KCNJ6: variants seen among roughly 807,000 people sequenced by gnomAD.
KCNJ6 encodes G protein-activated inward rectifier potassium channel 2.
KCNJ6 carries 9 observed loss-of-function variants against 34.2 expected under a neutral mutation model. The observed-to-expected ratio is 0.26, with a 90% CI of 0.16 to 0.46. KCNJ6 has a LOEUF of 0.46. Among genes scored for constraint, KCNJ6 ranks in the 20% least tolerant of loss-of-function variants. The pLI, the probability that KCNJ6 is intolerant of heterozygous loss-of-function variation, is 1.00. For synonymous variants in KCNJ6, 196 were observed against 207.1 expected, an observed-to-expected ratio of 0.95 and a Z score of 0.46; for missense variants, 236 against 531.3, an observed-to-expected ratio of 0.44 and a Z score of 5.46.
intron 2 of KCNJ6, among the ~76,000 whole-genome samples, chr21:37,770,215 T>C (rs1024054902): frequency 1.3e-5 from 2 of 152,148 alleles, no homozygotes; most frequent in Non-Finnish European, 2.9e-5. Flanking sequence ...AGGGCCTCTC[T>C]TGGGACAGCT....
chr21:37,842,947 C>T (rs2055488209), intron 1 of KCNJ6, among the ~76,000 whole-genome samples: 1 of 152,150 alleles, frequency 6.6e-6, no homozygotes, highest in Non-Finnish European at 1.5e-5. Context: ...ACTAGCTCTC[C>T]TTGTGTCCTG....
chr21:37,607,592 G>A lies in KCNJ6; in HGVS notation c.*17567C>T, dbSNP rs2054228860. 1 of 151,464 alleles carries A rather than the reference G, an allele frequency of 6.6e-6. No individual in the cohort carries two copies. Among genetic ancestry groups the A allele is most frequent in the African/African-American group, 2.4e-5 (1 of 41,178 alleles). The allele number at this position is 151,464 out of a possible 1,614,324, so 9.4% of individuals were successfully genotyped here. On this transcript the variant is annotated 3_prime_UTR_variant, in exon 4 of 4. Transcript: ENST00000609713. The stretch of plus-strand genomic sequence containing the variant: ...TCATTGTCCGTGCACAGACATACTT[G>A]GAGTTGAGTAAAGGGAGTTACAAAA...
At chr21:37,704,124 A>G (rs1335882786) in intron 3 of KCNJ6, among the ~76,000 whole-genome samples, 2 of 152,226 alleles carry the variant, frequency 1.3e-5, no homozygotes, top group Admixed American at 1.3e-4. Context: ...GGCCATGCTG[A>G]ACATGCTGAG....
rs1431248686 is a variant in KCNJ6 at position 37,840,723 on chromosome 21, GA to G, written c.-27-15del. ...TTTGTGCTTTTCCTGGAGGTGAGAA[GA>G]AAAGACAATTATCTGTAAAACATGT... On this transcript the variant is annotated splice_polypyrimidine_tract_variant and intron_variant, in intron 1 of 3. Transcript: ENST00000609713. 6.9e-7 allele frequency: 1 copy of G among 1,453,542 alleles called. No individual in the cohort carries two copies. Among genetic ancestry groups the G allele is most frequent in the South Asian group, 1.2e-5 (1 of 85,002 alleles). The allele number at this position is 1,453,542 out of a possible 1,614,324, so 90.0% of individuals were successfully genotyped here.
chr21:37,743,518 A>T (rs2054951320), intron 2 of KCNJ6, among the ~76,000 whole-genome samples: 1 of 152,186 alleles, frequency 6.6e-6, no homozygotes, highest in African/African-American at 2.4e-5. Flanking sequence ...CTCCCCCCTC[A>T]CGGATGGATT....
intron 2 of KCNJ6, among the ~76,000 whole-genome samples, chr21:37,718,572 C>T (rs746798980): frequency 5.1e-4 from 75 of 148,018 alleles, no homozygotes; most frequent in Non-Finnish European, 9.4e-4. Flanking sequence ...TAAAAACCAA[C>T]AAAAAGTAAA....
chr21:37,858,020 T>C (rs1332887792), intron 1 of KCNJ6, among the ~76,000 whole-genome samples: 2 of 152,266 alleles, frequency 1.3e-5, no homozygotes, highest in East Asian at 3.9e-4. Context: ...CAGAAAAAGA[T>C]GATTCAACAT....
chr21:37,913,530 T>C (rs76150911), intron 1 of KCNJ6, among the ~76,000 whole-genome samples: 4,692 of 152,248 alleles, frequency 0.031, 277 homozygotes, highest in East Asian at 0.25. Flanking sequence ...TTAGAAAGAA[T>C]TTGGCTGGGC....
chr21:37,838,453 T>C (rs1033808729), intron 2 of KCNJ6, among the ~76,000 whole-genome samples: 1 of 152,236 alleles, frequency 6.6e-6, no homozygotes, highest in Non-Finnish European at 1.5e-5. Flanking sequence ...TCATAACTTA[T>C]GTGCAACACC....
intron 1 of KCNJ6, among the ~76,000 whole-genome samples, chr21:37,862,539 C>T (rs1045631461): frequency 2.6e-5 from 4 of 152,176 alleles, no homozygotes; most frequent in Non-Finnish European, 5.9e-5. Flanking sequence ...CACGAAAAAG[C>T]CTAGACACAG....
At chr21:37,772,430 A>G (rs2123504600) in intron 2 of KCNJ6, among the ~76,000 whole-genome samples, 1 of 152,278 alleles carries the variant, frequency 6.6e-6, no homozygotes, top group Middle Eastern at 3.4e-3. Context: ...GCAGATGGAA[A>G]TTACCTGTTT....
chr21:37,706,062 G>A (rs1203595338), intron 3 of KCNJ6, among the ~76,000 whole-genome samples: 4 of 92 alleles, frequency 0.043, no homozygotes, highest in African/African-American at 0.21. Context: ...GTGCTTCCAC[G>A]AGAGCCTTAA....
At chr21:37,884,954 A>G (rs980739056) in intron 1 of KCNJ6, among the ~76,000 whole-genome samples, 3 of 152,180 alleles carry the variant, frequency 2.0e-5, no homozygotes, top group Non-Finnish European at 4.4e-5. Flanking sequence ...TTTGCCTTCA[A>G]TGCTGGTCTA....
At chr21:37,699,582 A>G (rs2054680206) in intron 3 of KCNJ6, among the ~76,000 whole-genome samples, 1 of 152,196 alleles carries the variant, frequency 6.6e-6, no homozygotes, top group African/African-American at 2.4e-5. Context: ...GTCCCTGAGC[A>G]TGTAATTAGG....
chr21:37,804,541 C>A (rs978374530), intron 2 of KCNJ6, among the ~76,000 whole-genome samples: 1 of 152,014 alleles, frequency 6.6e-6, no homozygotes, highest in African/African-American at 2.4e-5. Context: ...GCCTAGTACC[C>A]ATTAGTTATT....
At chr21:37,721,396 C>T (rs1180425533) in intron 2 of KCNJ6, among the ~76,000 whole-genome samples, 2 of 152,168 alleles carry the variant, frequency 1.3e-5, no homozygotes, top group African/African-American at 4.8e-5. Context: ...CATAGAATTA[C>T]CATGTAATCC....
intron 2 of KCNJ6, among the ~76,000 whole-genome samples, chr21:37,826,831 C>T (rs2055401268): frequency 6.6e-6 from 1 of 152,052 alleles, no homozygotes; most frequent in African/African-American, 2.4e-5. Flanking sequence ...GCCAAGGAAA[C>T]AGGGTGGGGA....
At chr21:37,735,818 G>GTGGCAA (rs2054909950) in intron 2 of KCNJ6, among the ~76,000 whole-genome samples, 1 of 152,026 alleles carries the variant, frequency 6.6e-6, no homozygotes, top group Non-Finnish European at 1.5e-5. Context: ...GGCAGTGGCA[G>GTGGCAA]CTGGGGCAGA....
rs73904061 is a variant in KCNJ6 at position 37,699,414 on chromosome 21, T to C, written c.946+14797A>G. ...TGCAGGGGGAAGGGATACTTAGGGATAGAGCATTTTTTATTGATATGGATA... is the reference window on the plus strand; with the variant it reads ...TGCAGGGGGAAGGGATACTTAGGGACAGAGCATTTTTTATTGATATGGATA... On this transcript the variant is annotated intron_variant, in intron 3 of 3. Transcript: ENST00000609713. 6.3e-3 allele frequency among the ~76,000 whole-genome samples: 958 copies of C among 152,314 alleles called. 15 individuals are homozygous for C. Among genetic ancestry groups the C allele is most frequent in the African/African-American group, 0.02 (852 of 41,566 alleles).
Sources: gnomAD v4.1 joint callset for allele counts (sites outside exome capture counted in the v4.1 genomes callset) on GRCh38, gnomAD v4.1.1 for gene constraint, MANE v1.5 for transcripts, NCBI Gene and HGNC (gene_info 2026-07-23, HGNC 2026-07-21) for gene names.